The following OCA2 variants were observed in gnomAD, a reference collection of about 807,000 sequenced individuals.
OCA2 encodes OCA2 melanosomal transmembrane protein, also known as P protein.
Under a neutral mutation model 100.2 loss-of-function variants are expected in OCA2, and 77 were observed. The ratio of observed to expected loss-of-function variants is 0.77; its 90% CI spans 0.64 to 0.93. The LOEUF (loss-of-function observed/expected upper bound fraction) is 0.93. Among genes scored for constraint, OCA2 ranks in the 40% least tolerant of loss-of-function variants. OCA2 has a pLI of 0.00. For missense variants in OCA2, 1,062 were observed against 1,089.1 expected (o/e 0.98, Z 0.35); for synonymous variants, 432 against 439.2 (o/e 0.98, Z 0.21).
intron 23 of OCA2, among the ~76,000 whole-genome samples, chr15:27,844,059 G>T (rs1053111743): frequency 6.6e-6 from 1 of 152,180 alleles, no homozygotes; most frequent in Non-Finnish European, 1.5e-5. Flanking sequence ...ATTTGACAGG[G>T]GTTTCCAGCC....
At chr15:27,719,908 A>G in the OCA2 span, among the ~76,000 whole-genome samples, 1 of 152,100 alleles carries the variant, frequency 6.6e-6, no homozygotes, top group Non-Finnish European at 1.5e-5. Context: ...TTCTCCTCCT[A>G]TAAAGCTGCT....
chr15:27,994,521 C>T (rs1037024130), intron 9 of OCA2, among the ~76,000 whole-genome samples: 3 of 152,204 alleles, frequency 2.0e-5, no homozygotes, highest in African/African-American at 7.2e-5. Flanking sequence ...TCCCAGGCAT[C>T]GCCTCACAGA....
intron 18 of OCA2, among the ~76,000 whole-genome samples, chr15:27,931,430 G>T (rs1486192046): frequency 1.3e-5 from 2 of 152,050 alleles, no homozygotes; most frequent in Non-Finnish European, 2.9e-5. Context: ...TGCCTCCCAG[G>T]TTCAAGTGAT....
At chr15:28,028,343 GT>G (rs1431268107) in intron 3 of OCA2, among the ~76,000 whole-genome samples, 1 of 152,216 alleles carries the variant, frequency 6.6e-6, no homozygotes, top group Non-Finnish European at 1.5e-5. Flanking sequence ...CAAGAAAGCT[GT>G]TTCTGGCTCA....
intron 23 of OCA2, among the ~76,000 whole-genome samples, chr15:27,823,397 G>A (rs2034579310): frequency 2.5e-5 from 1 of 39,350 alleles, no homozygotes; most frequent in South Asian, 3.4e-3. Flanking sequence ...GTCATATGCC[G>A]ATTATAGTGA....
chr15:27,959,567 C>T (rs972504138), intron 15 of OCA2, among the ~76,000 whole-genome samples: 2 of 152,228 alleles, frequency 1.3e-5, no homozygotes, highest in African/African-American at 4.8e-5. Context: ...TGAAGGGCCA[C>T]TTTCTGAAGC....
the OCA2 span, among the ~76,000 whole-genome samples, chr15:27,724,668 A>C: frequency 6.6e-6 from 1 of 152,220 alleles, no homozygotes; most frequent in East Asian, 1.9e-4. Flanking sequence ...AACCTCCATC[A>C]GAGTCCGGAA....
intron 2 of OCA2, among the ~76,000 whole-genome samples, chr15:28,076,370 C>T (rs2044425683): frequency 6.6e-6 from 1 of 152,202 alleles, no homozygotes; most frequent in African/African-American, 2.4e-5. Context: ...TAATTTGCTT[C>T]CCTGTCCAAT....
At chr15:27,997,219 AAG>A (rs2041776382) in intron 9 of OCA2, among the ~76,000 whole-genome samples, 1 of 129,964 alleles carries the variant, frequency 7.7e-6, no homozygotes, top group African/African-American at 2.5e-5. Flanking sequence ...AAGGAAAGGA[AAG>A]AAAGAAAGGA....
At chr15:27,829,051 T>G (rs1402676977) in intron 23 of OCA2, among the ~76,000 whole-genome samples, 1 of 152,134 alleles carries the variant, frequency 6.6e-6, no homozygotes, top group Non-Finnish European at 1.5e-5. Flanking sequence ...CAGCTCACAC[T>G]TGGGGAGGCA....
intron 18 of OCA2, among the ~76,000 whole-genome samples, chr15:27,949,326 T>C (rs1384713059): frequency 6.6e-6 from 1 of 152,208 alleles, no homozygotes. Context: ...TCATATGACA[T>C]CACATTGAAC....
At chr15:27,724,501 C>A in the OCA2 span, among the ~76,000 whole-genome samples, 1 of 152,202 alleles carries the variant, frequency 6.6e-6, no homozygotes, top group East Asian at 1.9e-4. Context: ...TCTCCAAATA[C>A]TGTCCCTTTG....
At chr15:27,937,724 T>C (rs1353518526) in intron 18 of OCA2, among the ~76,000 whole-genome samples, 2 of 152,222 alleles carry the variant, frequency 1.3e-5, no homozygotes, top group Admixed American at 6.5e-5. Flanking sequence ...GTGAAGTGTC[T>C]ACTTAAGATT....
chr15:27,986,975 T>C (rs904568115), intron 11 of OCA2, among the ~76,000 whole-genome samples: 4 of 152,128 alleles, frequency 2.6e-5, no homozygotes, highest in African/African-American at 7.2e-5. Context: ...GGGATCAGAG[T>C]GCGAGGTGGG....
At chr15:27,972,953 C>A (rs2040852794) in intron 14 of OCA2, among the ~76,000 whole-genome samples, 1 of 151,664 alleles carries the variant, frequency 6.6e-6, no homozygotes, top group Non-Finnish European at 1.5e-5. Context: ...GCAACCTCTG[C>A]CTCCCTGGTT....
intron 4 of OCA2, among the ~76,000 whole-genome samples, chr15:28,026,008 G>A (rs2042736751): frequency 6.6e-6 from 1 of 152,176 alleles, no homozygotes; most frequent in Non-Finnish European, 1.5e-5. Flanking sequence ...ACTTAAATAG[G>A]AATCAAAATG....
At chr15:28,048,862 G>A (rs1331603997) in intron 2 of OCA2, among the ~76,000 whole-genome samples, 3 of 151,960 alleles carry the variant, frequency 2.0e-5, no homozygotes, top group African/African-American at 7.3e-5. Context: ...AAAAATTAGT[G>A]AGGCATGGTG....
chr15:28,062,935 A>T (rs750870869), intron 2 of OCA2, among the ~76,000 whole-genome samples: 1 of 152,148 alleles, frequency 6.6e-6, no homozygotes, highest in Non-Finnish European at 1.5e-5. Context: ...TATGCCAGAA[A>T]CACACAGTCT....
intron 19 of OCA2, chr15:27,896,599 T>C (rs780114402): frequency 1.2e-5 from 3 of 247,062 alleles, no homozygotes; most frequent in Non-Finnish European, 1.6e-5. Flanking sequence ...CAATTTTCCA[T>C]GAGGATTTTT....
Sources: allele counts gnomAD v4.1 joint callset (sites outside exome capture counted in the v4.1 genomes callset), GRCh38; gene constraint gnomAD v4.1.1; transcripts MANE v1.5; gene names NCBI Gene and HGNC (gene_info 2026-07-23, HGNC 2026-07-21).